RBFOX1: variants seen among roughly 807,000 people sequenced by gnomAD.
RBFOX1 encodes the protein RNA binding protein fox-1 homolog 1.
RBFOX1 carries 8 observed loss-of-function variants against 57.7 expected under a neutral mutation model. That is an observed-to-expected ratio of 0.14 (90% CI 0.08 to 0.25). The LOEUF is 0.25. Ranked by LOEUF, RBFOX1 falls within the 10% of genes least tolerant of loss-of-function variation. RBFOX1 has a pLI of 1.00. For missense variants in RBFOX1, 611 were observed against 548.5 expected (o/e 1.11, Z -1.14); for synonymous variants, 326 against 222.4 (o/e 1.47, Z -4.15).
intron 2 of RBFOX1, among the ~76,000 whole-genome samples, chr16:6,355,650 A>C (rs1376000929): frequency 6.6e-6 from 1 of 152,200 alleles, no homozygotes; most frequent in East Asian, 1.9e-4. Flanking sequence ...GTATATACCC[A>C]ATAATGGGAT....
At chr16:5,949,311 G>T (rs1441158882) in intron 4 of RBFOX1, among the ~76,000 whole-genome samples, 1 of 151,936 alleles carries the variant, frequency 6.6e-6, no homozygotes, top group African/African-American at 2.4e-5. Context: ...CCGATCACGA[G>T]GTCAGGAGAT....
chr16:7,186,878 C>T (rs1567620902), intron 4 of RBFOX1, among the ~76,000 whole-genome samples: 1 of 150,804 alleles, frequency 6.6e-6, no homozygotes, highest in African/African-American at 2.4e-5. Flanking sequence ...GCTCTCTAGG[C>T]CAGGCACAGT....
At chr16:6,473,329 A>T (rs1258427969) in intron 2 of RBFOX1, among the ~76,000 whole-genome samples, 1 of 152,094 alleles carries the variant, frequency 6.6e-6, no homozygotes, top group Non-Finnish European at 1.5e-5. Context: ...TGCTCAATTA[A>T]TCCTTGAACG....
intron 4 of RBFOX1, among the ~76,000 whole-genome samples, chr16:7,246,072 G>A (rs368713998): frequency 6.6e-6 from 1 of 152,024 alleles, no homozygotes; most frequent in South Asian, 2.1e-4. Context: ...TGTTAAGTAT[G>A]TTTTTACTTT....
intron 4 of RBFOX1, among the ~76,000 whole-genome samples, chr16:7,229,119 A>G (rs976585467): frequency 1.3e-5 from 2 of 152,234 alleles, no homozygotes; most frequent in Non-Finnish European, 2.9e-5. Flanking sequence ...CAGAACAAGT[A>G]GTCAAGTAAG....
intron 13 of RBFOX1, chr16:7,671,501 C>A: frequency 1.3e-6 from 2 of 1,484,354 alleles, no homozygotes; most frequent in Non-Finnish European, 1.9e-6. Context: ...CTTATGCATT[C>A]TCTTTTATTT....
intron 4 of RBFOX1, among the ~76,000 whole-genome samples, chr16:7,107,517 C>T (rs1253738277): frequency 6.6e-6 from 1 of 152,018 alleles, no homozygotes; most frequent in Non-Finnish European, 1.5e-5. Context: ...GTAAAGTGTA[C>T]ATTTTGATAA....
chr16:7,384,472 G>A (rs897885869), intron 4 of RBFOX1, among the ~76,000 whole-genome samples: 4 of 152,182 alleles, frequency 2.6e-5, no homozygotes, highest in Non-Finnish European at 4.4e-5. Flanking sequence ...GCTTATTGCA[G>A]TGGGTTTTCA....
At chr16:6,833,376 C>G (rs1002973284) in intron 3 of RBFOX1, among the ~76,000 whole-genome samples, 1 of 151,896 alleles carries the variant, frequency 6.6e-6, no homozygotes, top group Non-Finnish European at 1.5e-5. Context: ...CATGTTGGTT[C>G]CGCTGTTCTC....
At chr16:5,975,003 C>T (rs1001537822) in intron 4 of RBFOX1, among the ~76,000 whole-genome samples, 4 of 151,894 alleles carry the variant, frequency 2.6e-5, no homozygotes, top group Admixed American at 6.6e-5. Context: ...AGCGAAACTC[C>T]GTCTCAAAAA....
chr16:5,988,559 C>T (rs905445378), intron 4 of RBFOX1, among the ~76,000 whole-genome samples: 6 of 152,162 alleles, frequency 3.9e-5, no homozygotes, highest in African/African-American at 1.4e-4. Flanking sequence ...TTACCCCCTT[C>T]CTGCCACCCT....
chr16:7,448,977 T>A (rs2098830428), intron 4 of RBFOX1, among the ~76,000 whole-genome samples: 1 of 109,564 alleles, frequency 9.1e-6, no homozygotes, highest in African/African-American at 3.5e-5. Flanking sequence ...TTGCCCAGGC[T>A]GGAGTGCAAT....
At chr16:6,067,304 A>G (rs1481271104) in intron 1 of RBFOX1, among the ~76,000 whole-genome samples, 2 of 152,090 alleles carry the variant, frequency 1.3e-5, no homozygotes, top group African/African-American at 4.8e-5. Context: ...AAAGCCAAAC[A>G]CTTTTTCAGA....
intron 4 of RBFOX1, among the ~76,000 whole-genome samples, chr16:7,308,388 C>G (rs1450467762): frequency 1.3e-5 from 2 of 151,482 alleles, no homozygotes; most frequent in Admixed American, 6.6e-5. Context: ...ACCAGCGTCT[C>G]TCAGTACTAT....
intron 1 of RBFOX1, among the ~76,000 whole-genome samples, chr16:5,380,067 G>T (rs547535896): frequency 6.6e-6 from 1 of 152,260 alleles, no homozygotes; most frequent in African/African-American, 2.4e-5. Flanking sequence ...GACTAAGGAT[G>T]TGCTTCCCAA....
chr16:6,148,372 T>G (rs971877374), intron 1 of RBFOX1, among the ~76,000 whole-genome samples: 1 of 152,192 alleles, frequency 6.6e-6, no homozygotes, highest in Non-Finnish European at 1.5e-5. Flanking sequence ...TCATACTTCC[T>G]TGTTCATTTT....
chr16:5,815,768 C>T (rs547040643), intron 3 of RBFOX1, among the ~76,000 whole-genome samples: 13 of 152,288 alleles, frequency 8.5e-5, no homozygotes, highest in South Asian at 2.1e-4. Flanking sequence ...CTTCCGAACA[C>T]ATTTATTATC....
At chr16:6,972,781 C>G (rs931908728) in intron 3 of RBFOX1, among the ~76,000 whole-genome samples, 1 of 151,798 alleles carries the variant, frequency 6.6e-6, no homozygotes, top group Non-Finnish European at 1.5e-5. Flanking sequence ...GATTTGATGT[C>G]GAGTGGGTAA....
chr16:7,595,452 A>T (rs1216558462), intron 7 of RBFOX1, 97 bp from the exon 8 acceptor site: 1 of 957,858 alleles, frequency 1.0e-6, no homozygotes. Flanking sequence ...TGAAGCCAGG[A>T]CAAGAAATAG....
Sources: allele counts gnomAD v4.1 joint callset (sites outside exome capture counted in the v4.1 genomes callset), GRCh38; gene constraint gnomAD v4.1.1; transcripts MANE v1.5; gene names NCBI Gene and HGNC (gene_info 2026-07-23, HGNC 2026-07-21).